The following UBE4B variants were observed in gnomAD, a reference collection of about 807,000 sequenced individuals.
UBE4B encodes ubiquitination factor E4B.
UBE4B carries 27 observed loss-of-function variants against 148.1 expected under a neutral mutation model. The observed-to-expected ratio is 0.18, with a 90% CI of 0.13 to 0.25. UBE4B has a LOEUF of 0.25. Among genes scored for constraint, UBE4B ranks in the 10% least tolerant of loss-of-function variants. UBE4B has a pLI of 1.00. For synonymous variants in UBE4B, 596 were observed against 619.3 expected (o/e 0.96, Z 0.56); for missense variants, 1,170 against 1,662.4 (o/e 0.70, Z 5.15).
intron 1 of UBE4B, chr1:10,054,419 C>G (rs1266360044): frequency 3.2e-6 from 1 of 308,172 alleles, no homozygotes; most frequent in Non-Finnish European, 6.2e-6. Flanking sequence ...GTTCAGAGGT[C>G]TTTTATTTTT....
chr1:10,143,047 G>A (rs571701624), intron 17 of UBE4B, among the ~76,000 whole-genome samples: 71 of 152,300 alleles, frequency 4.7e-4, no homozygotes, highest in African/African-American at 1.7e-3. Flanking sequence ...GGTAGAGGTT[G>A]CAATGAGCTG....
At chr1:10,108,528 T>C (rs186504991) in intron 7 of UBE4B, among the ~76,000 whole-genome samples, 1 of 152,290 alleles carries the variant, frequency 6.6e-6, no homozygotes, top group African/African-American at 2.4e-5. Context: ...TGTCTTACAA[T>C]TTTGCTCTTA....
intron 7 of UBE4B, among the ~76,000 whole-genome samples, chr1:10,115,717 CAT>C (rs1290591410): frequency 6.6e-6 from 1 of 152,154 alleles, no homozygotes; most frequent in Non-Finnish European, 1.5e-5. Flanking sequence ...GTGTGAACAT[CAT>C]AGAGTATACT....
rs11810806 is a variant in UBE4B at position 10,172,725 on chromosome 1, C to G, written c.3525+1396C>G. ...TTTTTTTAATGACAGCTTTATTGAGCTATAACTCACATATGTAGGTGCTTT... is the reference window on the plus strand; with the variant it reads ...TTTTTTTAATGACAGCTTTATTGAGGTATAACTCACATATGTAGGTGCTTT... On this transcript the variant is annotated intron_variant, in intron 25 of 27. Transcript: ENST00000343090. Among the ~76,000 whole-genome samples, 650 of 152,198 alleles carry G rather than the reference C, an allele frequency of 4.3e-3. 5 individuals are homozygous for G. The highest frequency in any genetic ancestry group is 0.015 in the African/African-American group (613 of 41,528).
intron 25 of UBE4B, among the ~76,000 whole-genome samples, chr1:10,175,559 G>A (rs1462050615): frequency 1.3e-5 from 2 of 152,050 alleles, no homozygotes; most frequent in Non-Finnish European, 2.9e-5. Flanking sequence ...GCTGAGGCAG[G>A]AGAATGGCGT....
chr1:10,041,184 G>A lies in UBE4B; in HGVS notation c.24+7490G>A, dbSNP rs551984449. 2.6e-5 allele frequency among the ~76,000 whole-genome samples: 4 copies of A among 152,158 alleles called. No individual in the cohort carries two copies. In the East Asian group the frequency reaches 7.7e-4, roughly 29 times the overall value. On this transcript the variant is annotated intron_variant, in intron 1 of 27. Transcript: ENST00000343090. ...CCCCTGTTTTACAGATAAGAAAATGGAGGCTAATAGAAATTAATTTATTGA... is the reference window on the plus strand; with the variant it reads ...CCCCTGTTTTACAGATAAGAAAATGAAGGCTAATAGAAATTAATTTATTGA...
In UBE4B at chr1:10,106,050, GATTATA is replaced by G. The variant is rs1236210691; in HGVS notation, c.810-141_810-136del. The G allele has an allele frequency of 4.0e-6, 4 of 992,048 alleles. No individual in the cohort carries two copies. Among genetic ancestry groups the G allele is most frequent in the Non-Finnish European group, 5.8e-6 (4 of 695,342 alleles). The allele number at this position is 992,048 out of a possible 1,614,324, so 61.5% of individuals were successfully genotyped here. Reference sequence around the variant, plus strand: ...AGCCTCTAGATCAATAGGGCAATTAGATTATAATTATTTAGATGTTTATCTGCTAGA... The same window carrying G: ...AGCCTCTAGATCAATAGGGCAATTAGATTATTTAGATGTTTATCTGCTAGA... On this transcript the variant is annotated intron_variant, in intron 6 of 27. Transcript: ENST00000343090. The surrounding 1 kb of genome is among the most constrained non-coding windows in gnomAD (Gnocchi z 4.2).
At chr1:10,140,519 TGA>T (rs1307554158) in intron 17 of UBE4B, among the ~76,000 whole-genome samples, 1 of 152,228 alleles carries the variant, frequency 6.6e-6, no homozygotes, top group Non-Finnish European at 1.5e-5. Context: ...TATCAATCAC[TGA>T]GAGAAGCTTA....
At chr1:10,084,995 T>G (rs1416357216) in intron 2 of UBE4B, among the ~76,000 whole-genome samples, 1 of 152,130 alleles carries the variant, frequency 6.6e-6, no homozygotes, top group African/African-American at 2.4e-5. Flanking sequence ...TGAGCCACTG[T>G]ACCCGGCCTC....
Position 10,145,004 on chromosome 1 carries a change from C to T in UBE4B, c.2428C>T (p.Arg810Cys), listed in dbSNP as rs774392667. 1.7e-5 allele frequency: 27 copies of T among 1,613,458 alleles called. No homozygotes were observed. The highest frequency in any genetic ancestry group is 2.2e-5 in the East Asian group (1 of 44,872). Residue 810 changes from arginine to cysteine, a missense_variant, in exon 18 of 28, where the codon CGC (arginine) becomes TGC (cysteine). This residue lies in a region of UBE4B where 388 missense variants were observed against 536.0 expected (regional missense o/e 0.72). Transcript: ENST00000343090. ...AGATTCCCCACTGGCAACTAGACAC[C>T]GCGAAATGCTGAAGCGCTGTAAAAC... Reference protein sequence around the residue: ...WKDSPLATRHREMLKRCKTQL... With the variant: ...WKDSPLATRHCEMLKRCKTQL...
At chr1:10,142,754 C>A (rs559711023) in intron 17 of UBE4B, among the ~76,000 whole-genome samples, 1 of 152,236 alleles carries the variant, frequency 6.6e-6, no homozygotes, top group South Asian at 2.1e-4. Context: ...AAGCTGCCTA[C>A]GTTCCTCTGC....
intron 1 of UBE4B, among the ~76,000 whole-genome samples, chr1:10,068,986 T>A (rs1644439132): frequency 6.6e-6 from 1 of 152,246 alleles, no homozygotes; most frequent in African/African-American, 2.4e-5. Context: ...TGGACCTGCC[T>A]CTGTCTCTTA....
chr1:10,111,179 A>G (rs1453667269), intron 7 of UBE4B, among the ~76,000 whole-genome samples: 2 of 150,758 alleles, frequency 1.3e-5, no homozygotes, highest in African/African-American at 4.9e-5. Flanking sequence ...ACCATGGTCT[A>G]CAAGGCCCTG....
chr1:10,168,373 A>G lies in UBE4B; in HGVS notation c.3333+103A>G. 6.8e-7 allele frequency: 1 copy of G among 1,471,480 alleles called. No individual in the cohort carries two copies. The highest frequency in any genetic ancestry group is 9.1e-7 in the Non-Finnish European group (1 of 1,100,220). 91.2% of individuals were successfully genotyped at this position (1,471,480 alleles called of 1,614,324 possible). On this transcript the variant is annotated intron_variant, in intron 24 of 27. Coordinates refer to ENST00000343090, the MANE Select transcript of UBE4B (RefSeq NM_001105562.3). This position sits in a 1 kb window ranked among gnomAD's most constrained non-coding sequence, Gnocchi z 4.9. ...TTGAAGTTCTGGAAATTTTAGGATC[A>G]CAGTCATCAATAAGTGAAATTCTGT...
intron 7 of UBE4B, among the ~76,000 whole-genome samples, chr1:10,114,259 C>T (rs989142775): frequency 4.6e-5 from 7 of 152,150 alleles, no homozygotes; most frequent in African/African-American, 1.7e-4. Flanking sequence ...AGGTACAAGC[C>T]TGTTTTAGCA....
At chr1:10,068,855 G>C (rs917233934) in intron 1 of UBE4B, among the ~76,000 whole-genome samples, 1 of 152,218 alleles carries the variant, frequency 6.6e-6, no homozygotes, top group Non-Finnish European at 1.5e-5. Flanking sequence ...TCTACTGAGA[G>C]CCCTGCTGTG....
intron 23 of UBE4B, among the ~76,000 whole-genome samples, chr1:10,164,305 C>T (rs1034952494): frequency 2.0e-5 from 3 of 151,922 alleles, no homozygotes; most frequent in African/African-American, 7.2e-5. Flanking sequence ...CATGCCACTA[C>T]ATTTCACATT....
chr1:10,175,607 C>G (rs112438859), intron 25 of UBE4B, among the ~76,000 whole-genome samples: 1 of 151,790 alleles, frequency 6.6e-6, no homozygotes, highest in Non-Finnish European at 1.5e-5. Context: ...GCCGAGATCG[C>G]GCCACTGCAC....
In UBE4B at chr1:10,179,578, G is replaced by C. The variant is rs769761041; in HGVS notation, c.3847+16G>C. On this transcript the variant is annotated intron_variant, in intron 27 of 27. Coordinates refer to ENST00000343090, the MANE Select transcript of UBE4B (RefSeq NM_001105562.3). Reference sequence around the variant, plus strand: ...CTGGAACCAGGTAGAGGAGGGTGCAGTTTGAGGTGCAGCGCTGGCGTCAGT... The same window carrying C: ...CTGGAACCAGGTAGAGGAGGGTGCACTTTGAGGTGCAGCGCTGGCGTCAGT... 6.2e-7 allele frequency: 1 copy of C among 1,611,636 alleles called. No homozygotes were observed. The highest frequency in any genetic ancestry group is 8.5e-7 in the Non-Finnish European group (1 of 1,180,016).
Sources: allele counts gnomAD v4.1 joint callset (sites outside exome capture counted in the v4.1 genomes callset), GRCh38; gene constraint gnomAD v4.1.1; regional missense constraint gnomAD v4.1.1; non-coding constraint Gnocchi (gnomAD v3.1); transcripts MANE v1.5; gene names NCBI Gene and HGNC (gene_info 2026-07-23, HGNC 2026-07-21).